NRG3: variants seen among roughly 807,000 people sequenced by gnomAD.
NRG3 encodes pro-neuregulin-3, membrane-bound isoform.
NRG3 carries 31 observed loss-of-function variants against 66.9 expected under a neutral mutation model. The observed-to-expected ratio is 0.46, with a 90% confidence interval of 0.35 to 0.63. The LOEUF is 0.63. Ranked by LOEUF, NRG3 falls within the 20% of genes least tolerant of loss-of-function variation. NRG3 has a pLI of 0.00. For synonymous variants in NRG3, 393 were observed against 359.4 expected (o/e 1.09, Z -1.06); for missense variants, 910 against 878.9 (o/e 1.04, Z -0.45).
intron 2 of NRG3, among the ~76,000 whole-genome samples, chr10:82,362,845 T>A (rs188122687): frequency 6.6e-6 from 1 of 152,046 alleles, no homozygotes; most frequent in Non-Finnish European, 1.5e-5. Context: ...GTAAATAGAA[T>A]CAGAAGTGTA....
chr10:82,269,070 C>T (rs966893291), intron 1 of NRG3, among the ~76,000 whole-genome samples: 1 of 152,152 alleles, frequency 6.6e-6, no homozygotes, highest in Non-Finnish European at 1.5e-5. Context: ...TTGTCTTCCT[C>T]CTACATTTTT....
intron 2 of NRG3, among the ~76,000 whole-genome samples, chr10:82,618,250 C>A (rs944848391): frequency 2.6e-5 from 4 of 152,006 alleles, no homozygotes; most frequent in African/African-American, 9.7e-5. Context: ...ACAGTGCAAG[C>A]GACAATCAGC....
chr10:82,527,213 T>C (rs1292969506), intron 2 of NRG3, among the ~76,000 whole-genome samples: 1 of 151,808 alleles, frequency 6.6e-6, no homozygotes, highest in Non-Finnish European at 1.5e-5. Flanking sequence ...AAATACAACA[T>C]CTACAGATGT....
intron 2 of NRG3, among the ~76,000 whole-genome samples, chr10:82,404,989 C>T (rs1443180699): frequency 1.3e-5 from 2 of 152,128 alleles, no homozygotes; most frequent in Admixed American, 6.6e-5. Context: ...TAAGTCCCTG[C>T]TGCACTGAGT....
intron 2 of NRG3, among the ~76,000 whole-genome samples, chr10:82,712,924 A>C (rs919186513): frequency 6.6e-6 from 1 of 151,990 alleles, no homozygotes. Flanking sequence ...GTTTATGACC[A>C]CCCCAGCCAG....
At chr10:82,673,086 C>T (rs1467368537) in intron 2 of NRG3, among the ~76,000 whole-genome samples, 1 of 152,170 alleles carries the variant, frequency 6.6e-6, no homozygotes, top group Non-Finnish European at 1.5e-5. Context: ...TGTTTCCTCC[C>T]ACATCCCAAA....
intron 1 of NRG3, among the ~76,000 whole-genome samples, chr10:81,994,418 C>T (rs559889728): frequency 6.6e-6 from 1 of 152,156 alleles, no homozygotes; most frequent in African/African-American, 2.4e-5. Context: ...TTAAAAAAAT[C>T]ATTGAGCATT....
chr10:82,303,635 C>T (rs1376427998), intron 1 of NRG3, among the ~76,000 whole-genome samples: 7 of 152,060 alleles, frequency 4.6e-5, no homozygotes, highest in Non-Finnish European at 8.8e-5. Flanking sequence ...TTTGGGAGGC[C>T]GAGGTGGGTG....
intron 1 of NRG3, among the ~76,000 whole-genome samples, chr10:82,171,280 A>G (rs2072583789): frequency 6.6e-6 from 1 of 152,096 alleles, no homozygotes; most frequent in African/African-American, 2.4e-5. Flanking sequence ...AAGATGAAGT[A>G]TACTCCTTAC....
At chr10:82,156,777 A>C (rs189170749) in intron 1 of NRG3, among the ~76,000 whole-genome samples, 79 of 151,662 alleles carry the variant, frequency 5.2e-4, no homozygotes, top group African/African-American at 1.8e-3. Context: ...AGGTTTTTTT[A>C]CATTTTAATA....
At chr10:82,881,981 A>G (rs1179190571) in intron 4 of NRG3, among the ~76,000 whole-genome samples, 1 of 152,100 alleles carries the variant, frequency 6.6e-6, no homozygotes, top group East Asian at 1.9e-4. Context: ...AATACTATAG[A>G]ATTTTAGTTG....
intron 1 of NRG3, chr10:81,877,651 C>T (rs1564626781): frequency 6.5e-6 from 8 of 1,227,566 alleles, no homozygotes; most frequent in Non-Finnish European, 8.1e-6. Context: ...ACCTACTTTG[C>T]TTTGGAAAAA....
At chr10:82,477,649 T>C (rs1372494098) in intron 2 of NRG3, among the ~76,000 whole-genome samples, 2 of 152,140 alleles carry the variant, frequency 1.3e-5, no homozygotes, top group African/African-American at 4.8e-5. Context: ...TTGATGTTTT[T>C]TAGCAGGCAA....
Position 82,856,743 on chromosome 10 carries a change from C to CAA in NRG3, c.1028-8657_1028-8656dup, listed in dbSNP as rs371581250. Among the ~76,000 whole-genome samples, 357 of 65,676 alleles carry CAA rather than the reference C, an allele frequency of 5.4e-3. 3 individuals carry two copies. In the Middle Eastern group the frequency reaches 0.062, roughly 11 times the overall value. 43.1% of individuals were successfully genotyped at this position (65,676 alleles called of 152,430 possible). Reference sequence around the variant, plus strand: ...TGGGAGACAGAGCAAGACTCTGTCTCAAAAAAAAAAAACAAAAAAAAAAAA... The same window carrying CAA: ...TGGGAGACAGAGCAAGACTCTGTCTCAAAAAAAAAAAAAACAAAAAAAAAAAA... On this transcript the variant is annotated intron_variant, in intron 3 of 8. Transcript: ENST00000372141.
chr10:82,806,839 G>A (rs1394048918), intron 3 of NRG3, among the ~76,000 whole-genome samples: 1 of 152,130 alleles, frequency 6.6e-6, no homozygotes, highest in African/African-American at 2.4e-5. Flanking sequence ...GTCTGATAGA[G>A]CCTGTTGTAG....
chr10:82,402,430 A>G (rs893800691), intron 2 of NRG3, among the ~76,000 whole-genome samples: 1 of 152,108 alleles, frequency 6.6e-6, no homozygotes, highest in Non-Finnish European at 1.5e-5. Flanking sequence ...TAACCAAAGA[A>G]GTTGTTTTTA....
At chr10:82,764,243 C>G (rs2059429640) in intron 3 of NRG3, among the ~76,000 whole-genome samples, 1 of 151,922 alleles carries the variant, frequency 6.6e-6, no homozygotes, top group East Asian at 1.9e-4. Context: ...CCATGTTGAC[C>G]AGGCTGGTCT....
intron 2 of NRG3, among the ~76,000 whole-genome samples, chr10:82,660,699 C>G (rs1221760648): frequency 6.6e-6 from 1 of 152,112 alleles, no homozygotes; most frequent in African/African-American, 2.4e-5. Context: ...CTCTTGCGTT[C>G]CTGTTATTTT....
chr10:82,262,458 C>T (rs1019095512), intron 1 of NRG3, among the ~76,000 whole-genome samples: 1 of 152,208 alleles, frequency 6.6e-6, no homozygotes, highest in East Asian at 1.9e-4. Context: ...TGTAAGTACA[C>T]TCATTTTGTT....
Sources: allele counts gnomAD v4.1 joint callset (sites outside exome capture counted in the v4.1 genomes callset), GRCh38; gene constraint gnomAD v4.1.1; transcripts MANE v1.5; gene names NCBI Gene and HGNC (gene_info 2026-07-23, HGNC 2026-07-21).